PTPRF: variants seen among roughly 807,000 people sequenced by gnomAD.
The protein encoded by PTPRF is receptor-type tyrosine-protein phosphatase F.
PTPRF carries 59 observed loss-of-function variants against 201.8 expected under a neutral mutation model. The ratio of observed to expected loss-of-function variants is 0.29; its 90% CI spans 0.24 to 0.36. The LOEUF is 0.36. PTPRF is among the 10% of genes least tolerant of loss of function. The pLI is 1.00. For synonymous variants in PTPRF, 1,088 were observed against 1,089.7 expected (o/e 1.00, Z 0.03); for missense variants, 2,132 against 2,690.5 (o/e 0.79, Z 4.59).
chr1:43,606,197 A>G, intron 19 of PTPRF, 43 bp from the exon 20 acceptor site: 1 of 1,574,708 alleles, frequency 6.4e-7, no homozygotes, highest in Non-Finnish European at 8.6e-7. Context: ...GCTGGCCGGC[A>G]TGCTCCAAGG....
Position 43,620,897 on chromosome 1 carries a change from G to C in PTPRF, c.5424G>C (p.Val1808=). Residue 1808 remains valine (V), a synonymous_variant, in exon 32 of 34, where the codon GTG becomes GTC. Transcript: ENST00000359947. ...TCACAGACTGGCCAGAGCAGGGCGT[G>C]CCCAAGACAGGCGAGGGATTCATTG... ...FQFTDWPEQG[V]PKTGEGFIDF... is the part of the protein sequence containing the mutation. The C allele has an allele frequency of 6.2e-7, 1 of 1,614,218 alleles. No individual in the cohort carries two copies. The highest frequency in any genetic ancestry group is 8.5e-7 in the Non-Finnish European group (1 of 1,180,020).
At position 43,598,923 on chromosome 1, in the gene PTPRF, T is replaced by C. The variant is rs1442111985; in HGVS notation, c.2313+10T>C. The C allele has an allele frequency of 6.2e-7, 1 of 1,610,274 alleles. No homozygotes were observed. Among genetic ancestry groups the C allele is most frequent in the Non-Finnish European group, 8.5e-7 (1 of 1,178,270 alleles). The stretch of plus-strand genomic sequence containing the variant: ...GCTAGCCGAGGCCCAGGTGCAGCAT[T>C]GGGTGGTGGTGGGGTGGCAGGGTGA... On this transcript the variant is annotated intron_variant, in intron 13 of 33. Transcript: ENST00000359947.
chr1:43,541,808 A>G (rs995783510), intron 2 of PTPRF, among the ~76,000 whole-genome samples: 1 of 152,236 alleles, frequency 6.6e-6, no homozygotes, highest in Non-Finnish European at 1.5e-5. Flanking sequence ...TATATTCTAT[A>G]ATATCATACC....
At chr1:43,563,378 T>C (rs952097041) in intron 5 of PTPRF, among the ~76,000 whole-genome samples, 4 of 151,980 alleles carry the variant, frequency 2.6e-5, no homozygotes, top group African/African-American at 9.7e-5. Context: ...GAGCCAGGTG[T>C]GCGCAGGCAT....
intron 6 of PTPRF, 29 bp downstream of exon 6, chr1:43,569,807 A>G (rs1323020950): frequency 6.3e-7 from 1 of 1,579,876 alleles, no homozygotes; most frequent in Non-Finnish European, 8.6e-7. Flanking sequence ...TCAAGGGGCC[A>G]TGCAGACCTC....
rs370187541 is a variant in PTPRF at position 43,598,879 on chromosome 1, C to T, written c.2279C>T (p.Pro760Leu). ...GAGAATGGCGAGCCCCGTGGACTCC[C>T]CATCATCCAAGACGTCATGCTAGCC... ...RLENGEPRGL[P>L]IIQDVMLAEA... The change falls in exon 13 of 34, where the codon CCC becomes CTC. Residue 760 changes from proline (P) to leucine (L), a missense_variant. Physicochemically the swap from Pro to Leu is moderately conservative, Grantham distance 98. Transcript: ENST00000359947. The T allele has an allele frequency of 6.2e-7, 1 of 1,614,086 alleles. No homozygotes were observed. Among genetic ancestry groups the T allele is most frequent in the Non-Finnish European group, 8.5e-7 (1 of 1,179,994 alleles).
At chr1:43,531,597 C>T (rs879602381) in intron 1 of PTPRF, among the ~76,000 whole-genome samples, 20 of 149,408 alleles carry the variant, frequency 1.3e-4, no homozygotes, top group Non-Finnish European at 2.7e-4. Context: ...GATCCGCAGC[C>T]GGCGCGCCCG....
intron 3 of PTPRF, among the ~76,000 whole-genome samples, chr1:43,551,419 A>G (rs1259282642): frequency 1.3e-5 from 2 of 152,082 alleles, no homozygotes; most frequent in Admixed American, 6.5e-5. Flanking sequence ...GCCTCCTTCA[A>G]AGGGCATTCA....
intron 11 of PTPRF, among the ~76,000 whole-genome samples, chr1:43,596,358 G>T (rs573747177): frequency 6.6e-6 from 1 of 152,162 alleles, no homozygotes. Context: ...GGAGATGAGG[G>T]GCTCTGGGGC....
chr1:43,602,849 C>G (rs1654101264), intron 14 of PTPRF, among the ~76,000 whole-genome samples: 1 of 152,194 alleles, frequency 6.6e-6, no homozygotes, highest in South Asian at 2.1e-4. Flanking sequence ...CCTAGCCCCT[C>G]CCCTGCCTTT....
intron 21 of PTPRF, among the ~76,000 whole-genome samples, 162 bp from the exon 22 acceptor site, chr1:43,609,221 G>C (rs368021608): frequency 5.9e-5 from 9 of 152,230 alleles, no homozygotes; most frequent in East Asian, 1.9e-4. Context: ...TGTCAAGGCT[G>C]TTCTGGCCCT....
rs763747170 is a variant in PTPRF, at chr1:43,568,530, C to T, written c.380-1060C>T. Reference sequence around the variant, plus strand: ...ACAGACCTCACAGTAGCCTTACCATCAAGGTGGGCACTTGAACCCTGTGTA... The same window carrying T: ...ACAGACCTCACAGTAGCCTTACCATTAAGGTGGGCACTTGAACCCTGTGTA... On this transcript the variant is annotated intron_variant, in intron 5 of 33. Coordinates refer to ENST00000359947, the MANE Select transcript of PTPRF (RefSeq NM_002840.5). Among the ~76,000 whole-genome samples, 10 of 152,212 alleles carry T rather than the reference C, an allele frequency of 6.6e-5. No individual in the cohort carries two copies. In the East Asian group the frequency reaches 9.6e-4, roughly 15 times the overall value.
At position 43,593,095 on chromosome 1, in the gene PTPRF, G is replaced by A. The variant is rs367598830; in HGVS notation, c.1813+494G>A. Among the ~76,000 whole-genome samples the A allele has an allele frequency of 9.2e-5, 14 of 152,328 alleles. No individual in the cohort carries two copies. In the South Asian group the frequency reaches 2.9e-3, roughly 32 times the overall value. ...TGATCACCCTGAGCTGACTGCACTC[G>A]GGGACAGGTCTGAGAATGCGGCCAT... On this transcript the variant is annotated intron_variant, in intron 11 of 33. Coordinates refer to ENST00000359947, the MANE Select transcript of PTPRF (RefSeq NM_002840.5).
intron 7 of PTPRF, among the ~76,000 whole-genome samples, chr1:43,580,688 G>C (rs1167611568): frequency 6.6e-6 from 1 of 150,970 alleles, no homozygotes; most frequent in Non-Finnish European, 1.5e-5. Flanking sequence ...CAGAGGAGCA[G>C]CTGGAATGAC....
intron 7 of PTPRF, among the ~76,000 whole-genome samples, chr1:43,587,440 G>A (rs1649442078): frequency 6.6e-6 from 1 of 152,192 alleles, no homozygotes; most frequent in Non-Finnish European, 1.5e-5. Context: ...GTGACTTGCT[G>A]AATGTCTGAT....
chr1:43,541,409 A>G (rs952189000), intron 2 of PTPRF, among the ~76,000 whole-genome samples: 1 of 152,160 alleles, frequency 6.6e-6, no homozygotes, highest in African/African-American at 2.4e-5. Flanking sequence ...TGGAGGTGAC[A>G]TGGCTTCTGT....
At chr1:43,557,147 T>C (rs917015792) in intron 5 of PTPRF, among the ~76,000 whole-genome samples, 24 of 152,206 alleles carry the variant, frequency 1.6e-4, no homozygotes, top group Non-Finnish European at 2.8e-4. Context: ...GGGCTTCTTT[T>C]CAGGCTCTCA....
intron 13 of PTPRF, among the ~76,000 whole-genome samples, chr1:43,600,076 TC>T (rs1653367803): frequency 6.6e-6 from 1 of 152,208 alleles, no homozygotes; most frequent in Non-Finnish European, 1.5e-5. Flanking sequence ...CAAAATTCTT[TC>T]TGCCCAGAGG....
At chr1:43,540,759 G>A (rs978775620) in intron 2 of PTPRF, among the ~76,000 whole-genome samples, 4 of 152,320 alleles carry the variant, frequency 2.6e-5, no homozygotes, top group South Asian at 2.1e-4. Context: ...CTCTGCTCAC[G>A]GATTCTGGCC....
Sources: allele counts gnomAD v4.1 joint callset (sites outside exome capture counted in the v4.1 genomes callset), GRCh38; gene constraint gnomAD v4.1.1; transcripts MANE v1.5; gene names NCBI Gene and HGNC (gene_info 2026-07-23, HGNC 2026-07-21).